TMEM71: variants seen among roughly 807,000 people sequenced by gnomAD.
TMEM71 encodes transmembrane protein 71.
In TMEM71, 44 loss-of-function variants were observed where a neutral mutation model predicts 38.0. That is an observed-to-expected ratio of 1.16 (90% confidence interval 0.91 to 1.49). The LOEUF is 1.49. Ranked by LOEUF, TMEM71 falls within the 40% of genes most tolerant of loss-of-function variation. The probability of loss-of-function intolerance (pLI) is 0.00; values close to 1 mark genes in which losing one functional copy is unlikely to be tolerated. For synonymous variants in TMEM71, 133 were observed against 122.5 expected (o/e 1.09, Z -0.56); for missense variants, 367 against 348.6 (o/e 1.05, Z -0.42).
downstream of TMEM71, among the ~76,000 whole-genome samples, chr8:132,707,931 T>A (rs1826116562): frequency 6.6e-6 from 1 of 152,190 alleles, no homozygotes. Flanking sequence ...TTCTTCACCG[T>A]CATACTCCCA....
At chr8:132,741,713 G>A (rs933215472) in intron 5 of TMEM71, among the ~76,000 whole-genome samples, 17 of 152,106 alleles carry the variant, frequency 1.1e-4, no homozygotes, top group Non-Finnish European at 2.1e-4. Context: ...GCAGAGCCAG[G>A]TGTACAGAAT....
chr8:132,757,043 C>A (rs547808202), intron 3 of TMEM71, among the ~76,000 whole-genome samples, 191 bp downstream of exon 3: 10 of 131,388 alleles, frequency 7.6e-5, no homozygotes, highest in South Asian at 2.8e-4. Flanking sequence ...CCCGCCACCA[C>A]GCAGCGCTGA....
chr8:132,758,684 A>C, intron 2 of TMEM71, 156 bp downstream of exon 2: 1 of 633,972 alleles, frequency 1.6e-6, no homozygotes, highest in Non-Finnish European at 2.8e-6. Flanking sequence ...AAATGAAGTT[A>C]AAATCATTGC....
chr8:132,752,833 AAGGAAGG>A (rs1828794397), intron 3 of TMEM71, among the ~76,000 whole-genome samples: 2 of 16,950 alleles, frequency 1.2e-4, no homozygotes, highest in South Asian at 3.3e-3. Context: ...GGAAGAAAGG[AAGGAAGG>A]AAGGAAGGAA....
intron 2 of TMEM71, 43 bp downstream of exon 2, chr8:132,758,796 AT>A (rs771677964): frequency 1.3e-6 from 2 of 1,570,660 alleles, no homozygotes; most frequent in South Asian, 2.2e-5. Flanking sequence ...AAGGAGTCTA[AT>A]CGTTCAAAAG....
chr8:132,749,132 A>G (rs1828552558), intron 4 of TMEM71, among the ~76,000 whole-genome samples: 1 of 152,204 alleles, frequency 6.6e-6, no homozygotes, highest in South Asian at 2.1e-4. Context: ...AAAATGGAGT[A>G]AGACTTTCCT....
intron 9 of TMEM71, among the ~76,000 whole-genome samples, chr8:132,712,048 G>T (rs1448789623): frequency 6.6e-6 from 1 of 152,086 alleles, no homozygotes; most frequent in Non-Finnish European, 1.5e-5. Flanking sequence ...GGCTTTCAAG[G>T]AAGTACTTCA....
intron 3 of TMEM71, among the ~76,000 whole-genome samples, chr8:132,752,818 G>A (rs1025650898): frequency 4.8e-5 from 6 of 123,916 alleles, no homozygotes; most frequent in Non-Finnish European, 3.3e-5. Flanking sequence ...AAAGGAAGAA[G>A]GGAAGGAAGA....
chr8:132,742,995 G>A (rs1194743289), intron 5 of TMEM71, among the ~76,000 whole-genome samples: 1 of 152,090 alleles, frequency 6.6e-6, no homozygotes, highest in Non-Finnish European at 1.5e-5. Flanking sequence ...AGAATCATCA[G>A]ATCTTGTGAG....
chr8:132,743,499 C>T (rs1052371117), intron 5 of TMEM71, among the ~76,000 whole-genome samples: 11 of 152,200 alleles, frequency 7.2e-5, no homozygotes, highest in South Asian at 2.1e-4. Flanking sequence ...ACAGCACTCT[C>T]TTGTTTTTCC....
At chr8:132,738,730 GC>G (rs1827878013) in intron 5 of TMEM71, among the ~76,000 whole-genome samples, 1 of 151,834 alleles carries the variant, frequency 6.6e-6, no homozygotes, top group Non-Finnish European at 1.5e-5. Context: ...TCCTCTTCCT[GC>G]TTTTACACTC....
intron 3 of TMEM71, among the ~76,000 whole-genome samples, chr8:132,753,765 GA>G (rs1227212796): frequency 4.6e-5 from 7 of 151,898 alleles, no homozygotes; most frequent in Non-Finnish European, 1.0e-4. Flanking sequence ...TGTAAAACGA[GA>G]AAAAAATCTC....
the TMEM71 span, chr8:132,775,334 C>T: frequency 5.7e-6 from 2 of 347,890 alleles, no homozygotes; most frequent in Non-Finnish European, 1.0e-5. Context: ...CAAGGCCAGG[C>T]CCGCTTCCGG....
the TMEM71 span, among the ~76,000 whole-genome samples, chr8:132,766,245 C>T: frequency 6.6e-6 from 1 of 152,032 alleles, no homozygotes; most frequent in African/African-American, 2.4e-5. Flanking sequence ...GCTTTTAAAG[C>T]TTTTCAGAGC....
the TMEM71 span, among the ~76,000 whole-genome samples, chr8:132,771,047 A>G: frequency 1.3e-5 from 2 of 152,246 alleles, no homozygotes; most frequent in Admixed American, 1.3e-4. Flanking sequence ...GGTGCAAAGT[A>G]TCACATAGCA....
rs1828424768 is a variant in TMEM71 at position 132,746,966 on chromosome 8, C to G, written c.463G>C (p.Asp155His). ...CCATTTCCATTGCAATGGTCTGTGT[C>G]CAACCTCCTGGTCCCCTTCAACCAG... ...DNWLKGTRRL[D>H]TDHCNGNADD... Residue 155 changes from aspartate to histidine, a missense_variant, in exon 5 of 10, where the codon GAC becomes CAC. Asp to His is a moderately conservative substitution (Grantham distance 81). Transcript: ENST00000677595. 1 of 1,607,954 alleles carries G rather than the reference C, an allele frequency of 6.2e-7. No individual in the cohort carries two copies. Among genetic ancestry groups the G allele is most frequent in the Admixed American group, 1.7e-5 (1 of 58,194 alleles).
intron 7 of TMEM71, among the ~76,000 whole-genome samples, chr8:132,715,182 G>A (rs1392279847): frequency 2.6e-5 from 4 of 151,794 alleles, no homozygotes; most frequent in African/African-American, 7.3e-5. Flanking sequence ...CGAGGCGGGC[G>A]GATCACGAGG....
At chr8:132,728,172 G>A (rs184667264) in intron 5 of TMEM71, among the ~76,000 whole-genome samples, 186 bp from the exon 6 acceptor site, 9 of 152,188 alleles carry the variant, frequency 5.9e-5, no homozygotes, top group East Asian at 3.9e-4. Flanking sequence ...TGATGTATTC[G>A]TCTGTTTTCA....
At chr8:132,721,345 T>C (rs1336456390) in intron 7 of TMEM71, among the ~76,000 whole-genome samples, 2 of 152,006 alleles carry the variant, frequency 1.3e-5, no homozygotes, top group East Asian at 1.9e-4. Flanking sequence ...ACAAATACAA[T>C]GGGAAGGGTG....
Sources: gnomAD v4.1 joint callset for allele counts (sites outside exome capture counted in the v4.1 genomes callset) on GRCh38, gnomAD v4.1.1 for gene constraint, MANE v1.5 for transcripts, NCBI Gene and HGNC (gene_info 2026-07-23, HGNC 2026-07-21) for gene names.